TTLL11: variants seen among roughly 807,000 people sequenced by gnomAD.
TTLL11 encodes the protein tubulin polyglutamylase TTLL11.
Under a neutral mutation model 51.7 loss-of-function variants are expected in TTLL11, and 42 were observed. The ratio of observed to expected loss-of-function variants is 0.81; its 90% CI spans 0.64 to 1.05. The LOEUF is 1.05. Ranked by LOEUF, TTLL11 falls within the 50% of genes least tolerant of loss-of-function variation. The pLI, the probability that TTLL11 is intolerant of heterozygous loss-of-function variation, is 0.00. For synonymous variants in TTLL11, 381 were observed against 383.5 expected, an observed-to-expected ratio of 0.99 and a Z score of 0.08; for missense variants, 799 against 940.4, an observed-to-expected ratio of 0.85 and a Z score of 1.97.
intron 8 of TTLL11, among the ~76,000 whole-genome samples, chr9:121,837,914 C>T (rs762025523): frequency 1.3e-5 from 2 of 152,312 alleles, no homozygotes; most frequent in East Asian, 3.9e-4. Flanking sequence ...GGTCTTCCCA[C>T]GTCTGTTTCA....
In TTLL11 at chr9:121,822,886, A is replaced by G. The variant is rs1394254540; in HGVS notation, c.1841-7T>C. The stretch of plus-strand genomic sequence containing the variant: ...AAGGCCTGCAGACACATCCCTGTGA[A>G]CAAAGAGACTGGATGAGGGGGTGCA... On this transcript the variant is annotated splice_polypyrimidine_tract_variant and splice_region_variant and intron_variant, in intron 8 of 8. Coordinates refer to ENST00000321582, the MANE Select transcript of TTLL11 (RefSeq NM_001139442.2). The surrounding 1 kb of genome is among the most constrained non-coding windows in gnomAD (Gnocchi z 5.8). 6.5e-7 allele frequency: 1 copy of G among 1,546,088 alleles called. No individual in the cohort carries two copies. Among genetic ancestry groups the G allele is most frequent in the Admixed American group, 2.0e-5 (1 of 50,328 alleles).
At chr9:121,944,319 C>G (rs560563293) in intron 6 of TTLL11, among the ~76,000 whole-genome samples, 22 of 152,110 alleles carry the variant, frequency 1.4e-4, no homozygotes, top group Non-Finnish European at 2.2e-4. Flanking sequence ...ACCAGCCCGG[C>G]CAACATGACG....
rs1168123074 is a variant in TTLL11, at chr9:121,972,939, C to T, written c.1481+1070G>A. ...TGCTTGGGGAAGTCTGCATTCCTCCCAGTCTTGAACAATTACTGACAAGTG... is the reference window on the plus strand; with the variant it reads ...TGCTTGGGGAAGTCTGCATTCCTCCTAGTCTTGAACAATTACTGACAAGTG... On this transcript the variant is annotated intron_variant, in intron 6 of 8. Transcript: ENST00000321582. 2.0e-5 allele frequency among the ~76,000 whole-genome samples: 3 copies of T among 152,220 alleles called. No homozygotes were observed. In the East Asian group the frequency reaches 5.8e-4, roughly 29 times the overall value.
chr9:122,054,483 G>A (rs1244238509), intron 1 of TTLL11, among the ~76,000 whole-genome samples: 1 of 152,064 alleles, frequency 6.6e-6, no homozygotes, highest in African/African-American at 2.4e-5. Flanking sequence ...TTACCTCTTG[G>A]CTTGCAGTTT....
intron 6 of TTLL11, among the ~76,000 whole-genome samples, chr9:121,915,810 TA>T (rs1840300241): frequency 6.6e-6 from 1 of 152,166 alleles, no homozygotes; most frequent in Non-Finnish European, 1.5e-5. Flanking sequence ...TATTGGCTTA[TA>T]AAGTCTGGAC....
At chr9:121,969,760 G>A (rs1009523409) in intron 6 of TTLL11, among the ~76,000 whole-genome samples, 1 of 152,174 alleles carries the variant, frequency 6.6e-6, no homozygotes, top group Non-Finnish European at 1.5e-5. Context: ...TAGCCTGGAA[G>A]TCTACATAAC....
At position 121,868,890 on chromosome 9, in the gene TTLL11, A is replaced by C. The variant is rs537307579; in HGVS notation, c.1733+1607T>G. ...ATAATAACCACAAGACTCCCACTGA[A>C]AAAGCAGCTCCCATGAACTAGGCAT... On this transcript the variant is annotated intron_variant, in intron 7 of 8. Coordinates refer to ENST00000321582, the MANE Select transcript of TTLL11 (RefSeq NM_001139442.2). Among the ~76,000 whole-genome samples, 682 of 152,336 alleles carry C rather than the reference A, an allele frequency of 4.5e-3. 2 individuals are homozygous for C. Among genetic ancestry groups the C allele is most frequent in the Non-Finnish European group, 6.5e-3 (445 of 68,022 alleles).
At chr9:122,085,328 A>G (rs1475788632) in intron 1 of TTLL11, among the ~76,000 whole-genome samples, 6 of 152,216 alleles carry the variant, frequency 3.9e-5, no homozygotes, top group African/African-American at 1.2e-4. Context: ...AAAACATTCA[A>G]TTAGACTTAG....
intron 6 of TTLL11, among the ~76,000 whole-genome samples, chr9:121,888,356 T>C (rs1423368297): frequency 1.3e-5 from 2 of 152,210 alleles, no homozygotes; most frequent in African/African-American, 4.8e-5. Flanking sequence ...AGACAAGTTC[T>C]GGAGATGGGA....
At chr9:121,981,064 T>G (rs1198019153) in intron 4 of TTLL11, among the ~76,000 whole-genome samples, 1 of 152,176 alleles carries the variant, frequency 6.6e-6, no homozygotes, top group African/African-American at 2.4e-5. Flanking sequence ...TGGAATGTCT[T>G]GAGCTTCTTA....
intron 1 of TTLL11, among the ~76,000 whole-genome samples, chr9:122,066,387 A>G (rs1160877888): frequency 6.6e-6 from 1 of 152,148 alleles, no homozygotes; most frequent in Non-Finnish European, 1.5e-5. Flanking sequence ...GTGGGAGACA[A>G]CAGGGAAGGA....
intron 1 of TTLL11, among the ~76,000 whole-genome samples, chr9:122,088,854 A>T (rs183434497): frequency 6.6e-6 from 1 of 152,022 alleles, no homozygotes; most frequent in Admixed American, 6.5e-5. Flanking sequence ...AAAAATACAA[A>T]AATTAGCCAG....
chr9:122,055,209 A>ATAGATAGG (rs1295589064), intron 1 of TTLL11, among the ~76,000 whole-genome samples: 50 of 149,634 alleles, frequency 3.3e-4, no homozygotes, highest in Non-Finnish European at 6.7e-4. Context: ...AATAGGATAG[A>ATAGATAGG]TAGATAGATA....
intron 1 of TTLL11, among the ~76,000 whole-genome samples, chr9:122,081,583 T>C (rs1175580385): frequency 1.3e-5 from 2 of 152,228 alleles, no homozygotes; most frequent in Admixed American, 1.3e-4. Context: ...TCCAGTTCCA[T>C]GGATATGTAA....
In TTLL11 at chr9:121,958,307, T is replaced by C. The variant is rs186964172; in HGVS notation, c.1481+15702A>G. 3.5e-4 allele frequency among the ~76,000 whole-genome samples: 54 copies of C among 152,380 alleles called. 1 individual carries two copies. Among genetic ancestry groups the C allele is most frequent in the Non-Finnish European group, 6.9e-4 (47 of 68,032 alleles). ...GTCATTGCTGTTGCTGTTTTCTTTC[T>C]TTCTTTGAGCTTAAATCCCTCTGCA... On this transcript the variant is annotated intron_variant, in intron 6 of 8. Transcript: ENST00000321582.
intron 6 of TTLL11, among the ~76,000 whole-genome samples, chr9:121,916,394 G>A (rs1385167451): frequency 6.6e-6 from 1 of 152,214 alleles, no homozygotes; most frequent in Non-Finnish European, 1.5e-5. Context: ...TCGCTGGGAA[G>A]TGAGGCTGGG....
At chr9:121,891,433 C>T (rs1244994816) in intron 6 of TTLL11, among the ~76,000 whole-genome samples, 3 of 152,174 alleles carry the variant, frequency 2.0e-5, no homozygotes, top group East Asian at 1.9e-4. Context: ...GATGCAACAG[C>T]GGGATCACAA....
At chr9:122,062,138 C>T (rs773660113) in intron 1 of TTLL11, among the ~76,000 whole-genome samples, 5 of 152,118 alleles carry the variant, frequency 3.3e-5, no homozygotes, top group Non-Finnish European at 7.3e-5. Context: ...ATATAGTAGC[C>T]AATCTCATGG....
At chr9:121,827,345 T>C (rs1047672223) in intron 8 of TTLL11, among the ~76,000 whole-genome samples, 1 of 152,084 alleles carries the variant, frequency 6.6e-6, no homozygotes, top group Admixed American at 6.5e-5. Flanking sequence ...ACCGTCACCC[T>C]GAGGCCCTTG....
Sources: allele counts gnomAD v4.1 joint callset (sites outside exome capture counted in the v4.1 genomes callset), GRCh38; gene constraint gnomAD v4.1.1; non-coding constraint Gnocchi (gnomAD v3.1); transcripts MANE v1.5; gene names NCBI Gene and HGNC (gene_info 2026-07-23, HGNC 2026-07-21).